TENM2: variants seen among roughly 807,000 people sequenced by gnomAD.
The protein encoded by TENM2 is teneurin-2.
TENM2 carries 52 observed loss-of-function variants against 245.2 expected under a neutral mutation model. The ratio of observed to expected loss-of-function variants is 0.21; its 90% CI spans 0.17 to 0.27. TENM2 has a LOEUF of 0.27. Ranked by LOEUF, TENM2 falls within the 10% of genes least tolerant of loss-of-function variation. The probability of loss-of-function intolerance (pLI) is 1.00; values close to 1 mark genes in which losing one functional copy is unlikely to be tolerated. For synonymous variants in TENM2, 1,363 were observed against 1,438.9 expected, an observed-to-expected ratio of 0.95 and a Z score of 1.19; for missense variants, 3,046 against 3,666.8, an observed-to-expected ratio of 0.83 and a Z score of 4.37.
At chr5:167,330,393 G>A (rs1362127976) in intron 1 of TENM2, among the ~76,000 whole-genome samples, 6 of 152,200 alleles carry the variant, frequency 3.9e-5, no homozygotes, top group Non-Finnish European at 8.8e-5. Flanking sequence ...TTTGAATCCA[G>A]TCTGTCTGAC....
intron 9 of TENM2, among the ~76,000 whole-genome samples, chr5:168,114,986 G>A (rs1374454192): frequency 1.3e-5 from 2 of 152,046 alleles, no homozygotes; most frequent in African/African-American, 4.8e-5. Flanking sequence ...GAGGAACAGT[G>A]TCACTATGAA....
chr5:167,269,423 T>C, the TENM2 span, among the ~76,000 whole-genome samples: 1 of 152,146 alleles, frequency 6.6e-6, no homozygotes, highest in Non-Finnish European at 1.5e-5. Flanking sequence ...GATCTTGTTA[T>C]CATCCGTTTC....
chr5:168,078,131 G>T (rs1024531939), intron 7 of TENM2, among the ~76,000 whole-genome samples: 2 of 152,170 alleles, frequency 1.3e-5, no homozygotes, highest in Non-Finnish European at 2.9e-5. Flanking sequence ...TAACTGGTAT[G>T]AGATGGTATC....
the TENM2 span, among the ~76,000 whole-genome samples, chr5:167,086,631 A>G: frequency 2.6e-5 from 4 of 151,924 alleles, no homozygotes; most frequent in East Asian, 5.8e-4. Flanking sequence ...GCATGAGTCT[A>G]TTTCTCCAGT....
At chr5:167,831,178 G>A (rs1282238447) in intron 2 of TENM2, among the ~76,000 whole-genome samples, 1 of 151,942 alleles carries the variant, frequency 6.6e-6, no homozygotes, top group African/African-American at 2.4e-5. Context: ...CCTCTGATTA[G>A]TAGGAATGGC....
intron 5 of TENM2, among the ~76,000 whole-genome samples, chr5:168,019,870 T>G (rs1194964896): frequency 2.0e-5 from 3 of 152,236 alleles, no homozygotes; most frequent in Admixed American, 6.5e-5. Flanking sequence ...AAGAAAAGGC[T>G]TTAAAAGCAC....
chr5:167,031,849 C>T, the TENM2 span, among the ~76,000 whole-genome samples: 1 of 152,182 alleles, frequency 6.6e-6, no homozygotes, highest in Non-Finnish European at 1.5e-5. Context: ...CAGGTTTGAG[C>T]CACTGCCCCC....
intron 3 of TENM2, among the ~76,000 whole-genome samples, chr5:167,913,777 A>G (rs1228069846): frequency 6.6e-6 from 1 of 152,176 alleles, no homozygotes; most frequent in Non-Finnish European, 1.5e-5. Flanking sequence ...CCTAACTGCC[A>G]TTTCTGTCGA....
chr5:167,662,697 A>G (rs906890982), intron 2 of TENM2, among the ~76,000 whole-genome samples: 2 of 152,114 alleles, frequency 1.3e-5, no homozygotes, highest in Non-Finnish European at 2.9e-5. Flanking sequence ...TTTGTTCACC[A>G]TTGTTTCTTG....
chr5:168,062,370 A>T lies in TENM2; in HGVS notation c.1515+105A>T, dbSNP rs1018965550. On this transcript the variant is annotated intron_variant, in intron 7 of 28. Coordinates refer to ENST00000518659, the Ensembl canonical transcript of TENM2. ...ATCCACTACAATGCCTATAATTAAA[A>T]GATGGACAATAAAAATGTTGGCGAG... The T allele has an allele frequency of 2.1e-5, 19 of 904,850 alleles. No individual in the cohort carries two copies. The African/African-American group carries it at 2.2e-4, about 10-fold the overall frequency. 56.1% of individuals were successfully genotyped at this position (904,850 alleles called of 1,614,324 possible). A position where few individuals can be genotyped will look rare whatever the true frequency, so the allele number is the denominator to read the frequency against.
At chr5:166,988,386 A>G in the TENM2 span, among the ~76,000 whole-genome samples, 1 of 152,144 alleles carries the variant, frequency 6.6e-6, no homozygotes, top group Non-Finnish European at 1.5e-5. Flanking sequence ...GTTTCTAAGG[A>G]TTTATGAAAT....
chr5:167,116,662 A>G, the TENM2 span: 1 of 152,108 alleles, frequency 6.6e-6, no homozygotes, highest in African/African-American at 2.4e-5. Context: ...GAAGTGGGTA[A>G]AATAATGAGC....
chr5:168,233,150 ACCC>A (rs1217774418), intron 25 of TENM2, among the ~76,000 whole-genome samples: 1 of 152,020 alleles, frequency 6.6e-6, no homozygotes, highest in Non-Finnish European at 1.5e-5. Flanking sequence ...AAATGGTGAA[ACCC>A]CATCTCTACT....
chr5:168,245,047 A>G (rs1479256634), intron 26 of TENM2, among the ~76,000 whole-genome samples: 1 of 151,950 alleles, frequency 6.6e-6, no homozygotes, highest in Non-Finnish European at 1.5e-5. Flanking sequence ...GATTACAGGT[A>G]TGAGTCACCG....
At chr5:167,972,627 G>T (rs1328473184) in intron 4 of TENM2, among the ~76,000 whole-genome samples, 1 of 152,074 alleles carries the variant, frequency 6.6e-6, no homozygotes, top group Non-Finnish European at 1.5e-5. Context: ...TGTGCATTTT[G>T]AATTTTGATC....
At chr5:167,715,311 G>A (rs564362957) in intron 2 of TENM2, among the ~76,000 whole-genome samples, 11 of 152,202 alleles carry the variant, frequency 7.2e-5, no homozygotes, top group African/African-American at 2.6e-4. Context: ...AAGCAGGGGA[G>A]AAAATATCTA....
intron 3 of TENM2, among the ~76,000 whole-genome samples, chr5:167,929,907 C>T (rs1429419415): frequency 2.0e-5 from 3 of 152,200 alleles, no homozygotes; most frequent in East Asian, 3.9e-4. Context: ...TGTTGTGCCT[C>T]AGATAGGAGC....
At position 167,441,609 on chromosome 5, in the gene TENM2, T is replaced by C. The variant is rs143919806; in HGVS notation, c.502+66136T>C. Among the ~76,000 whole-genome samples, 31 of 152,324 alleles carry C rather than the reference T, an allele frequency of 2.0e-4. No individual in the cohort carries two copies. In the East Asian group the frequency reaches 5.8e-3, roughly 29 times the overall value. On this transcript the variant is annotated intron_variant, in intron 2 of 28. Transcript: ENST00000518659. ...AATTGCAAAGTAATTTTGCTTCCTA[T>C]TTCATCTGCAGATAAGTTGCTGTTG...
At chr5:167,216,513 C>G in the TENM2 span, among the ~76,000 whole-genome samples, 1 of 152,140 alleles carries the variant, frequency 6.6e-6, no homozygotes, top group East Asian at 1.9e-4. Context: ...CCCATCATAC[C>G]TAACATTATA....
Sources: allele counts gnomAD v4.1 joint callset (sites outside exome capture counted in the v4.1 genomes callset), GRCh38; gene constraint gnomAD v4.1.1; transcripts MANE v1.5; gene names NCBI Gene and HGNC (gene_info 2026-07-23, HGNC 2026-07-21).